The following ADAM9 variants were observed in gnomAD, a reference collection of about 807,000 sequenced individuals.
The protein encoded by ADAM9 is disintegrin and metalloproteinase domain-containing protein 9.
In ADAM9, 54 loss-of-function variants were observed where a neutral mutation model predicts 108.1. That is an observed-to-expected ratio of 0.50 (90% CI 0.40 to 0.63). The LOEUF (loss-of-function observed/expected upper bound fraction) is 0.63, where lower values mean the gene tolerates loss of function less well. Among genes scored for constraint, ADAM9 ranks in the 20% least tolerant of loss-of-function variants. The pLI, the probability that ADAM9 is intolerant of heterozygous loss-of-function variation, is 0.00. For missense variants in ADAM9, 830 were observed against 997.7 expected (o/e 0.83, Z 2.26); for synonymous variants, 316 against 336.0 (o/e 0.94, Z 0.65).
At chr8:39,100,126 G>C (rs1052727986) in intron 20 of ADAM9, among the ~76,000 whole-genome samples, 1 of 151,942 alleles carries the variant, frequency 6.6e-6, no homozygotes, top group Non-Finnish European at 1.5e-5. Flanking sequence ...ACCTGCCTCA[G>C]CCTTCCAAAG....
intron 20 of ADAM9, among the ~76,000 whole-genome samples, chr8:39,098,266 T>C (rs1260472055): frequency 6.6e-6 from 1 of 152,040 alleles, no homozygotes; most frequent in Non-Finnish European, 1.5e-5. Context: ...AGATGTGGAC[T>C]TAAAAAAACT....
chr8:39,103,577 C>G, intron 21 of ADAM9, 30 bp from the exon 22 acceptor site: 1 of 1,596,264 alleles, frequency 6.3e-7, no homozygotes, highest in Non-Finnish European at 8.6e-7. Flanking sequence ...AGTCTAAACA[C>G]TCTATTAACT....
At chr8:39,045,018 ATGTG>A (rs145426377) in intron 12 of ADAM9, among the ~76,000 whole-genome samples, 3 of 97,662 alleles carry the variant, frequency 3.1e-5, no homozygotes, top group African/African-American at 1.4e-4. Context: ...ATGTATGTGT[ATGTG>A]TGTGTGCATA....
intron 11 of ADAM9, among the ~76,000 whole-genome samples, chr8:39,037,224 A>AT (rs1291956374): frequency 2.3e-3 from 334 of 143,426 alleles, no homozygotes; most frequent in Admixed American, 3.0e-3. Context: ...CGCCCGGCTA[A>AT]TTTTTTTTTT....
intron 14 of ADAM9, among the ~76,000 whole-genome samples, chr8:39,065,958 G>A (rs1337210550): frequency 6.6e-6 from 1 of 152,042 alleles, no homozygotes; most frequent in Non-Finnish European, 1.5e-5. Context: ...GTGTCCAAGT[G>A]TTCTCATTCT....
Position 39,042,057 on chromosome 8 carries a change from T to A in ADAM9, c.1242T>A (p.Ala414=). The A allele has an allele frequency of 6.2e-7, 1 of 1,614,140 alleles. No individual in the cohort carries two copies. The highest frequency in any genetic ancestry group is 8.5e-7 in the Non-Finnish European group (1 of 1,179,964). Residue 414 remains alanine (A), a synonymous_variant, in exon 12 of 22, where the codon GCT becomes GCA. Coordinates refer to ENST00000487273, the MANE Select transcript of ADAM9 (RefSeq NM_003816.3). ...NIPKPDEAYS[A]PSCGNKLVDA... ...CAAAGCCTGATGAAGCCTATAGTGC[T>A]CCCTCCTGTGGTAATAAGTTGGTGG...
intron 14 of ADAM9, among the ~76,000 whole-genome samples, chr8:39,068,390 G>A (rs1295011680): frequency 6.6e-6 from 1 of 152,012 alleles, no homozygotes; most frequent in East Asian, 1.9e-4. Context: ...AGTCCTAGCT[G>A]TCAGTCGGGC....
At chr8:39,049,718 C>T (rs1006168504) in intron 12 of ADAM9, among the ~76,000 whole-genome samples, 4 of 152,194 alleles carry the variant, frequency 2.6e-5, no homozygotes, top group East Asian at 3.9e-4. Flanking sequence ...GGATTACAGG[C>T]GTGAGCCACT....
In ADAM9 at chr8:38,997,135, C is replaced by A. The variant is rs751866618; in HGVS notation, c.72C>A (p.Gly24=). 6.2e-7 allele frequency: 1 copy of A among 1,602,914 alleles called. No homozygotes were observed. Among genetic ancestry groups the A allele is most frequent in the Non-Finnish European group, 8.5e-7 (1 of 1,179,408 alleles). ...GGTTGCTGTTGCTTGGCCTGGTGGG[C>A]CCAGTCCTCGGTGCGGCGCGGCCAG... ...VRWLLLLGLV[G]PVLGAARPGF... is the part of the protein sequence containing the mutation. Residue 24 remains glycine (G), a synonymous_variant, in exon 1 of 22, where the codon GGC becomes GGA. Transcript: ENST00000487273.
intron 14 of ADAM9, among the ~76,000 whole-genome samples, chr8:39,065,904 C>G (rs1387111266): frequency 1.3e-5 from 2 of 152,032 alleles, no homozygotes; most frequent in African/African-American, 4.8e-5. Flanking sequence ...CTTCCCACTC[C>G]CCCCACCCCA....
chr8:39,022,989 A>G (rs1227296987), intron 8 of ADAM9, among the ~76,000 whole-genome samples, 167 bp from the exon 9 acceptor site: 1 of 152,234 alleles, frequency 6.6e-6, no homozygotes, highest in Non-Finnish European at 1.5e-5. Context: ...TTAAGATTAC[A>G]GGCGTGAGCC....
chr8:39,017,530 A>G (rs79862902), intron 6 of ADAM9, 116 bp downstream of exon 6: 5 of 1,026,576 alleles, frequency 4.9e-6, no homozygotes, highest in African/African-American at 1.6e-5. Context: ...AATTTTGCCA[A>G]ATATATGCCA....
In ADAM9 at chr8:39,103,688, T is replaced by G; in HGVS notation, c.2448T>G (p.Ser816Arg). The change falls in exon 22 of 22, where the codon AGT becomes AGG. Residue 816 changes from serine (S) to arginine (R), a missense_variant. By Grantham distance (110) the Ser-to-Arg change is moderately radical. Around this residue, in one of 3 missense-constraint regions of ADAM9, gnomAD observed 238 missense variants for 235.7 expected, o/e 1.01. Coordinates refer to ENST00000487273, the MANE Select transcript of ADAM9 (RefSeq NM_003816.3). ...CTGCTCCTGCACCTCCTTTATATAG[T>G]TCCCTCACTTGATTTTTTTAACCTT... is the stretch of plus-strand genomic sequence containing the variant. ...ARPAPAPPLY[S>R]SLT The G allele has an allele frequency of 1.2e-6, 2 of 1,613,788 alleles. No individual in the cohort carries two copies. Among genetic ancestry groups the G allele is most frequent in the Non-Finnish European group, 1.7e-6 (2 of 1,179,718 alleles).
intron 13 of ADAM9, 42 bp downstream of exon 13, chr8:39,054,615 A>G (rs779001770): frequency 1.3e-6 from 2 of 1,526,970 alleles, no homozygotes; most frequent in South Asian, 2.4e-5. Flanking sequence ...AAAAAAAAAA[A>G]AAAAAAAGAA....
intron 8 of ADAM9, 46 bp from the exon 9 acceptor site, chr8:39,023,110 C>CA (rs769024594): frequency 2.0e-6 from 3 of 1,526,684 alleles, no homozygotes; most frequent in Admixed American, 1.8e-5. Context: ...AGATTTTTCT[C>CA]ACGTTCTTTA....
intron 16 of ADAM9, among the ~76,000 whole-genome samples, chr8:39,080,972 G>T (rs1397850265): frequency 7.2e-6 from 1 of 138,056 alleles, no homozygotes; most frequent in Non-Finnish European, 1.6e-5. Flanking sequence ...TTTTTTTGAG[G>T]CAGGGTCTCG....
intron 12 of ADAM9, among the ~76,000 whole-genome samples, chr8:39,045,300 A>G (rs978791329): frequency 9.6e-6 from 1 of 104,086 alleles, no homozygotes. Context: ...GTGTACACCT[A>G]TACATGTGTG....
chr8:38,997,277 CG>C (rs1157765484), intron 1 of ADAM9, 117 bp downstream of exon 1: 11 of 1,224,166 alleles, frequency 9.0e-6, no homozygotes, highest in East Asian at 2.6e-5. Flanking sequence ...GACCCGGGGT[CG>C]GGGGGCGCGG....
intron 14 of ADAM9, among the ~76,000 whole-genome samples, chr8:39,065,659 CAAAA>C (rs33990237): frequency 1.4e-5 from 1 of 72,860 alleles, no homozygotes. Context: ...GGCTACATCT[CAAAA>C]AAAAAAAAAA....
Sources: allele counts gnomAD v4.1 joint callset (sites outside exome capture counted in the v4.1 genomes callset), GRCh38; gene constraint gnomAD v4.1.1; regional missense constraint gnomAD v4.1.1; transcripts MANE v1.5; gene names NCBI Gene and HGNC (gene_info 2026-07-23, HGNC 2026-07-21).